Variants in ESRRG observed in about 807,000 individuals in gnomAD.
ESRRG encodes estrogen related receptor gamma.
ESRRG carries 13 observed loss-of-function variants against 44.0 expected under a neutral mutation model. The observed-to-expected ratio is 0.30, with a 90% CI of 0.19 to 0.47. ESRRG has a LOEUF of 0.47. Ranked by LOEUF, ESRRG falls within the 20% of genes least tolerant of loss-of-function variation. The pLI, the probability that ESRRG is intolerant of heterozygous loss-of-function variation, is 1.00. For missense variants in ESRRG, 395 were observed against 580.6 expected, an observed-to-expected ratio of 0.68 and a Z score of 3.29; for synonymous variants, 215 against 214.6, an observed-to-expected ratio of 1.00 and a Z score of -0.02.
intron 1 of ESRRG, among the ~76,000 whole-genome samples, chr1:217,032,483 T>C (rs2082219211): frequency 3.3e-5 from 5 of 152,170 alleles, no homozygotes; most frequent in Admixed American, 2.6e-4. Context: ...CAATTGTCCA[T>C]AAGATGGATT....
At position 217,111,367 on chromosome 1, in the gene ESRRG, C is replaced by T. The variant is rs922889095; in HGVS notation, c.-230+26300G>A. 7.9e-5 allele frequency among the ~76,000 whole-genome samples: 12 copies of T among 152,230 alleles called. 1 individual carries two copies. Among genetic ancestry groups the T allele is most frequent in the East Asian group, 7.8e-4 (4 of 5,160 alleles). On this transcript the variant is annotated intron_variant, in intron 1 of 8. Transcript: ENST00000366940. ...CAAACAAAAGGTCAGCATTTTGATG[C>T]GCCATTGTTAAAAGGTCACTGAGTC... is the stretch of plus-strand genomic sequence containing the variant.
At position 216,799,348 on chromosome 1, in the gene ESRRG, A is replaced by G. The variant is rs11572612; in HGVS notation, c.-13-121857T>C. Among the ~76,000 whole-genome samples, 617 of 152,188 alleles carry G rather than the reference A, an allele frequency of 4.1e-3. 4 individuals carry two copies. Among genetic ancestry groups the G allele is most frequent in the African/African-American group, 0.014 (587 of 41,540 alleles). On this transcript the variant is annotated intron_variant, in intron 2 of 7. Transcript: ENST00000359162. ...TGTCTTGCTTCTTCTTCCATATTCT[A>G]AAAGTATTTCCCCAGCAAGCTTTAT...
intron 1 of ESRRG, among the ~76,000 whole-genome samples, chr1:217,009,475 T>C (rs1245445494): frequency 6.6e-6 from 1 of 152,118 alleles, no homozygotes; most frequent in African/African-American, 2.4e-5. Context: ...ATTTGAAAAG[T>C]AAACAATCAT....
intron 2 of ESRRG, among the ~76,000 whole-genome samples, chr1:216,838,248 G>A (rs940357021): frequency 1.3e-5 from 2 of 152,164 alleles, no homozygotes; most frequent in Non-Finnish European, 1.5e-5. Context: ...TCAATATCAA[G>A]TAAAAATTGG....
intron 6 of ESRRG, among the ~76,000 whole-genome samples, chr1:216,518,534 T>C (rs1444017162): frequency 2.6e-5 from 4 of 152,068 alleles, no homozygotes; most frequent in Non-Finnish European, 5.9e-5. Context: ...TAATAAAGCA[T>C]TAAGAGAGGC....
chr1:216,948,020 T>C (rs2066336515), intron 1 of ESRRG, among the ~76,000 whole-genome samples: 1 of 150,764 alleles, frequency 6.6e-6, no homozygotes, highest in Non-Finnish European at 1.5e-5. Flanking sequence ...TAGAAGGAGC[T>C]TGGCCTTGAA....
At chr1:216,791,208 T>C (rs753195752) in intron 2 of ESRRG, among the ~76,000 whole-genome samples, 6 of 152,110 alleles carry the variant, frequency 3.9e-5, no homozygotes, top group Non-Finnish European at 8.8e-5. Flanking sequence ...TGGGGGCAGA[T>C]ACCTCATGGC....
chr1:217,031,728 G>C (rs2082090692), intron 1 of ESRRG, among the ~76,000 whole-genome samples: 1 of 152,172 alleles, frequency 6.6e-6, no homozygotes, highest in Non-Finnish European at 1.5e-5. Context: ...TTTCCCCCAT[G>C]CCATTCTCAC....
intron 1 of ESRRG, among the ~76,000 whole-genome samples, chr1:216,698,353 T>A (rs2080643983): frequency 6.6e-6 from 1 of 151,578 alleles, no homozygotes; most frequent in African/African-American, 2.4e-5. Flanking sequence ...CTGTCTGTAC[T>A]AAAAATACAA....
intron 1 of ESRRG, among the ~76,000 whole-genome samples, chr1:217,069,924 G>C (rs2151438466): frequency 6.6e-6 from 1 of 152,246 alleles, no homozygotes; most frequent in East Asian, 1.9e-4. Flanking sequence ...TGGTGTCCCA[G>C]ACTCAAAGGC....
At chr1:216,514,985 C>CACACA (rs766929140) in intron 6 of ESRRG, among the ~76,000 whole-genome samples, 10 of 143,552 alleles carry the variant, frequency 7.0e-5, no homozygotes, top group African/African-American at 2.6e-4. Flanking sequence ...CACACACACA[C>CACACA]AACACACACT....
intron 3 of ESRRG, among the ~76,000 whole-genome samples, chr1:216,641,823 T>G (rs2066494061): frequency 6.6e-6 from 1 of 152,220 alleles, no homozygotes; most frequent in Non-Finnish European, 1.5e-5. Context: ...GAAGTCACTG[T>G]AAAAGATAGT....
intron 1 of ESRRG, among the ~76,000 whole-genome samples, chr1:217,049,232 T>C (rs904239144): frequency 3.9e-5 from 6 of 152,328 alleles, no homozygotes; most frequent in African/African-American, 1.4e-4. Context: ...GAAAAATTCT[T>C]GGTTATGCAA....
chr1:216,821,414 G>A (rs780118360), intron 2 of ESRRG, among the ~76,000 whole-genome samples: 18 of 152,004 alleles, frequency 1.2e-4, no homozygotes, highest in Non-Finnish European at 1.9e-4. Flanking sequence ...GGCCAAGCAC[G>A]GTGGCTCCTG....
intron 1 of ESRRG, among the ~76,000 whole-genome samples, chr1:216,954,679 C>A (rs2067618401): frequency 6.6e-6 from 1 of 152,100 alleles, no homozygotes; most frequent in African/African-American, 2.4e-5. Context: ...ATAATGTATG[C>A]CTCAGAATAT....
At chr1:216,640,313 G>T (rs2066131470) in intron 3 of ESRRG, among the ~76,000 whole-genome samples, 1 of 152,110 alleles carries the variant, frequency 6.6e-6, no homozygotes, top group South Asian at 2.1e-4. Flanking sequence ...ACTTCTGCCA[G>T]CTAATTGGCT....
At chr1:217,131,481 C>T (rs1192265526) in intron 1 of ESRRG, among the ~76,000 whole-genome samples, 1 of 152,190 alleles carries the variant, frequency 6.6e-6, no homozygotes, top group Non-Finnish European at 1.5e-5. Flanking sequence ...AATCCTGTCC[C>T]ACAGAATCCA....
intron 2 of ESRRG, among the ~76,000 whole-genome samples, chr1:216,907,049 G>A (rs2059760062): frequency 6.6e-6 from 1 of 152,170 alleles, no homozygotes; most frequent in Non-Finnish European, 1.5e-5. Flanking sequence ...GAAAAAGTTG[G>A]GGTAGGACCC....
chr1:216,588,850 C>A, intron 3 of ESRRG, among the ~76,000 whole-genome samples: 1 of 152,064 alleles, frequency 6.6e-6, no homozygotes, highest in Non-Finnish European at 1.5e-5. Flanking sequence ...CCAAAACAAG[C>A]GCTTTGGGAA....
Sources: allele counts gnomAD v4.1 joint callset (sites outside exome capture counted in the v4.1 genomes callset), GRCh38; gene constraint gnomAD v4.1.1; transcripts MANE v1.5; gene names NCBI Gene and HGNC (gene_info 2026-07-23, HGNC 2026-07-21).